The following CD38 variants were observed in gnomAD, a reference collection of about 807,000 sequenced individuals.
CD38 encodes CD38 molecule.
CD38 carries 31 observed loss-of-function variants against 36.3 expected under a neutral mutation model. That is an observed-to-expected ratio of 0.85 (90% CI 0.64 to 1.15). The LOEUF (loss-of-function observed/expected upper bound fraction) is 1.15, where lower values mean the gene tolerates loss of function less well. Ranked by LOEUF, CD38 falls within the 50% of genes most tolerant of loss-of-function variation. The pLI is 0.00. For missense variants in CD38, 380 were observed against 371.9 expected, an observed-to-expected ratio of 1.02 and a Z score of -0.18; for synonymous variants, 131 against 135.2, an observed-to-expected ratio of 0.97 and a Z score of 0.22.
chr4:15,793,359 T>A (rs577135050), intron 1 of CD38, among the ~76,000 whole-genome samples: 63 of 152,138 alleles, frequency 4.1e-4, no homozygotes, highest in African/African-American at 1.4e-3. Context: ...GGAACAAAGT[T>A]TTTATTTAAC....
intron 1 of CD38, among the ~76,000 whole-genome samples, chr4:15,781,167 C>T (rs1357292669): frequency 6.6e-6 from 1 of 152,158 alleles, no homozygotes; most frequent in Non-Finnish European, 1.5e-5. Context: ...ATCTCCTTAC[C>T]AAACCTATAA....
rs1724369788 is a variant in CD38 at position 15,850,943 on chromosome 4, AC to A, written c.*2345del. 6.6e-6 allele frequency: 1 copy of A among 152,222 alleles called. No individual in the cohort carries two copies. The highest frequency in any genetic ancestry group is 2.1e-4 in the South Asian group (1 of 4,824). The allele number at this position is 152,222 out of a possible 1,614,324, so 9.4% of individuals were successfully genotyped here. ...TCATCGAGTCCTTGCTCAACAGGAT[AC>A]CCCTTGAAGTGGCTGCCTGGGCCAC... On this transcript the variant is annotated 3_prime_UTR_variant, in exon 8 of 8. Transcript: ENST00000226279.
At chr4:15,785,711 G>T (rs1722802897) in intron 1 of CD38, among the ~76,000 whole-genome samples, 1 of 152,162 alleles carries the variant, frequency 6.6e-6, no homozygotes, top group African/African-American at 2.4e-5. Context: ...CTACATAGTT[G>T]GTTCTTTTTA....
chr4:15,838,015 A>C (rs777715195), intron 4 of CD38, 77 bp from the exon 5 acceptor site: 1 of 1,141,084 alleles, frequency 8.8e-7, no homozygotes, highest in African/African-American at 1.5e-5. Context: ...GCTATTGCTA[A>C]GTATTGTTTT....
chr4:15,839,360 G>A (rs1295702631), intron 5 of CD38, among the ~76,000 whole-genome samples: 1 of 151,150 alleles, frequency 6.6e-6, no homozygotes, highest in Non-Finnish European at 1.5e-5. Context: ...ATCACGTGGG[G>A]ATTGTTCAAC....
At chr4:15,825,100 G>A (rs1723820282) in intron 3 of CD38, 84 bp downstream of exon 3, 22 of 1,410,776 alleles carry the variant, frequency 1.6e-5, no homozygotes, top group Admixed American at 4.1e-5. Flanking sequence ...AATGATTAGT[G>A]TGGAGGACAG....
chr4:15,812,809 T>C (rs1196720694), intron 1 of CD38, among the ~76,000 whole-genome samples: 2 of 152,256 alleles, frequency 1.3e-5, no homozygotes, highest in East Asian at 3.8e-4. Context: ...TATTTTTCAA[T>C]GTTCCAGTCC....
At chr4:15,812,482 G>A (rs1484383426) in intron 1 of CD38, among the ~76,000 whole-genome samples, 2 of 152,146 alleles carry the variant, frequency 1.3e-5, no homozygotes, top group Non-Finnish European at 2.9e-5. Context: ...TGGATCACGA[G>A]CTCAGAAGTT....
chr4:15,818,797 A>G (rs1175113572), intron 2 of CD38, among the ~76,000 whole-genome samples: 1 of 152,198 alleles, frequency 6.6e-6, no homozygotes, highest in Admixed American at 6.5e-5. Flanking sequence ...CTGCTAAAAG[A>G]AAAAACAGAA....
At chr4:15,840,986 T>C (rs1427971187) in intron 7 of CD38, among the ~76,000 whole-genome samples, 1 of 152,096 alleles carries the variant, frequency 6.6e-6, no homozygotes, top group Non-Finnish European at 1.5e-5. Context: ...TACAGATGCC[T>C]AACACATGAC....
chr4:15,836,209 G>C (rs981094723), intron 4 of CD38, among the ~76,000 whole-genome samples: 1 of 152,154 alleles, frequency 6.6e-6, no homozygotes, highest in Admixed American at 6.5e-5. Context: ...GGGAAATCCA[G>C]GATTAAGGTG....
At chr4:15,786,978 G>A (rs1455142872) in intron 1 of CD38, among the ~76,000 whole-genome samples, 1 of 152,256 alleles carries the variant, frequency 6.6e-6, no homozygotes, top group African/African-American at 2.4e-5. Flanking sequence ...GCTGGCCTGG[G>A]TGCTAAGCCC....
chr4:15,812,000 A>G (rs1029454094), intron 1 of CD38, among the ~76,000 whole-genome samples: 1 of 152,184 alleles, frequency 6.6e-6, no homozygotes, highest in Non-Finnish European at 1.5e-5. Flanking sequence ...GTGGTGGGGC[A>G]GGAGAGGAAT....
At chr4:15,831,735 G>A (rs1323877123) in intron 3 of CD38, among the ~76,000 whole-genome samples, 1 of 152,070 alleles carries the variant, frequency 6.6e-6, no homozygotes, top group African/African-American at 2.4e-5. Context: ...GGACCTTTGG[G>A]AGTTTGATTA....
intron 1 of CD38, among the ~76,000 whole-genome samples, chr4:15,809,966 A>G (rs1723429481): frequency 1.3e-5 from 2 of 152,196 alleles, no homozygotes; most frequent in African/African-American, 4.8e-5. Flanking sequence ...CTTTAAGGAT[A>G]AAATAAATAG....
chr4:15,838,199 T>A (rs1467692146), intron 5 of CD38, 34 bp downstream of exon 5: 1 of 1,414,868 alleles, frequency 7.1e-7, no homozygotes, highest in South Asian at 1.2e-5. Flanking sequence ...TTTGCAAGTA[T>A]CCTGTTGCAA....
intron 1 of CD38, among the ~76,000 whole-genome samples, chr4:15,813,540 T>G (rs1439218135): frequency 6.6e-6 from 1 of 152,194 alleles, no homozygotes; most frequent in Non-Finnish European, 1.5e-5. Context: ...CAACCTATCA[T>G]CTAGGTTTTA....
chr4:15,810,008 G>T (rs1479208098), intron 1 of CD38, among the ~76,000 whole-genome samples: 2 of 152,078 alleles, frequency 1.3e-5, no homozygotes, highest in Admixed American at 1.3e-4. Context: ...ATTTCTCATT[G>T]CCTCTACTCA....
chr4:15,794,284 A>G (rs1018000519), intron 1 of CD38, among the ~76,000 whole-genome samples: 2 of 152,192 alleles, frequency 1.3e-5, no homozygotes, highest in Admixed American at 6.5e-5. Flanking sequence ...GTACATATAC[A>G]TAGGGTTTAG....
Sources: allele counts gnomAD v4.1 joint callset (sites outside exome capture counted in the v4.1 genomes callset), GRCh38; gene constraint gnomAD v4.1.1; transcripts MANE v1.5; gene names NCBI Gene and HGNC (gene_info 2026-07-23, HGNC 2026-07-21).